RANBP2: variants seen among roughly 807,000 people sequenced by gnomAD.
RANBP2 encodes RAN binding protein 2.
Under a neutral mutation model 303.6 loss-of-function variants are expected in RANBP2, and 57 were observed. The ratio of observed to expected loss-of-function variants is 0.19; its 90% CI spans 0.15 to 0.23. The LOEUF (loss-of-function observed/expected upper bound fraction) is 0.23. Among genes scored for constraint, RANBP2 ranks in the 10% least tolerant of loss-of-function variants. The pLI is 1.00. For missense variants in RANBP2, 3,138 were observed against 3,780.8 expected (o/e 0.83, Z 4.46); for synonymous variants, 1,167 against 1,301.5 (o/e 0.90, Z 2.23).
chr2:109,681,959 G>A, the RANBP2 span, among the ~76,000 whole-genome samples: 2 of 152,240 alleles, frequency 1.3e-5, no homozygotes, highest in African/African-American at 4.8e-5. Context: ...CATCACTGAG[G>A]CACTTGCTGT....
chr2:109,533,691 A>G, the RANBP2 span, among the ~76,000 whole-genome samples: 24,078 of 152,216 alleles, frequency 0.16, 2,839 homozygotes, highest in African/African-American at 0.34. Context: ...GAGTGACAGC[A>G]CTGTGAACCC....
the RANBP2 span, among the ~76,000 whole-genome samples, chr2:108,847,466 T>C: frequency 6.6e-6 from 1 of 152,322 alleles, no homozygotes; most frequent in Admixed American, 6.5e-5. Flanking sequence ...TGCACTAGCT[T>C]GTAAGTTTCC....
chr2:109,173,688 C>G, the RANBP2 span, among the ~76,000 whole-genome samples: 1 of 152,256 alleles, frequency 6.6e-6, no homozygotes, highest in East Asian at 1.9e-4. Context: ...ACGGCAAAGA[C>G]AGTGAATGTA....
chr2:108,721,099 A>G (rs965265554), intron 1 of RANBP2, among the ~76,000 whole-genome samples: 1 of 152,200 alleles, frequency 6.6e-6, no homozygotes, highest in Admixed American at 6.5e-5. Context: ...GACCATGATT[A>G]TAATAGTAGC....
At chr2:109,380,198 C>T in the RANBP2 span, among the ~76,000 whole-genome samples, 1 of 152,126 alleles carries the variant, frequency 6.6e-6, no homozygotes, top group African/African-American at 2.4e-5. Flanking sequence ...TGCCTAGGTA[C>T]CGGCTCGCCC....
the RANBP2 span, among the ~76,000 whole-genome samples, chr2:109,464,708 G>T: frequency 9.0e-4 from 137 of 152,246 alleles, no homozygotes; most frequent in Non-Finnish European, 1.3e-3. Flanking sequence ...AGAAAATGCA[G>T]AAAGTCCTCA....
At chr2:109,199,032 G>A in the RANBP2 span, among the ~76,000 whole-genome samples, 3 of 152,208 alleles carry the variant, frequency 2.0e-5, no homozygotes, top group Middle Eastern at 3.4e-3. Flanking sequence ...CTTAAGCACC[G>A]TCTTGAGTTT....
At chr2:109,259,228 A>G in the RANBP2 span, among the ~76,000 whole-genome samples, 1 of 152,216 alleles carries the variant, frequency 6.6e-6, no homozygotes, top group Non-Finnish European at 1.5e-5. Context: ...GTCGGATTAA[A>G]GGGTGTCCTG....
rs779208982 is a variant in RANBP2, at chr2:108,729,136, C to T, written c.77C>T (p.Ser26Leu). The change falls in exon 2 of 29, where the codon TCA becomes TTA. Residue 26 changes from serine to leucine, a missense_variant. By Grantham distance (145) the Ser-to-Leu change is moderately radical. This residue lies in a region of RANBP2 where 306 missense variants were observed against 381.9 expected (regional missense o/e 0.80). Transcript: ENST00000283195. Reference sequence around the variant, plus strand: ...ACAACTTTTAATTTTTTTTAGAAGTCAATGAAAGGATTCTATTTTGCAAAG... The same window carrying T: ...ACAACTTTTAATTTTTTTTAGAAGTTAATGAAAGGATTCTATTTTGCAAAG... ...QGSTPSPRQK[S>L]MKGFYFAKLY... The T allele has an allele frequency of 6.4e-7, 1 of 1,570,238 alleles. No individual in the cohort carries two copies. The highest frequency in any genetic ancestry group is 2.3e-5 in the East Asian group (1 of 44,316).
Position 108,754,954 on chromosome 2 carries a change from A to G in RANBP2, c.2252A>G (p.Gln751Arg), listed in dbSNP as rs751037514. Reference protein sequence around the residue: ...SVKEMLNSVMQELEDYSEGGP... With the variant: ...SVKEMLNSVMRELEDYSEGGP... ...AAAGAGATGCTTAATTCAGTCATGC[A>G]GGAACTCGAAGACTATAGTGAAGGA... Residue 751 changes from glutamine (Q) to arginine (R), a missense_variant, in exon 16 of 29, where the codon CAG (glutamine) becomes CGG (arginine). Gln to Arg is a conservative substitution (Grantham distance 43). Transcript: ENST00000283195. 5.6e-6 allele frequency: 9 copies of G among 1,611,778 alleles called. No homozygotes were observed. In the African/African-American group the frequency reaches 8.0e-5, roughly 14 times the overall value.
At chr2:109,598,052 T>G in the RANBP2 span, among the ~76,000 whole-genome samples, 1 of 152,242 alleles carries the variant, frequency 6.6e-6, no homozygotes, top group South Asian at 2.1e-4. Flanking sequence ...CTTAGCTTTA[T>G]GTTTTTTTGT....
chr2:109,653,138 T>C, the RANBP2 span, among the ~76,000 whole-genome samples: 3 of 152,114 alleles, frequency 2.0e-5, no homozygotes, highest in Admixed American at 1.3e-4. Context: ...GGCTCATGCT[T>C]GTAATCCGAG....
chr2:109,078,954 G>A, the RANBP2 span, among the ~76,000 whole-genome samples: 34,051 of 151,898 alleles, frequency 0.22, 4,076 homozygotes, highest in Middle Eastern at 0.3. Context: ...TCGCACAATT[G>A]CTTTCCAGCC....
At chr2:108,736,999 CTCCT>C (rs1695639782) in intron 6 of RANBP2, among the ~76,000 whole-genome samples, 1 of 139,438 alleles carries the variant, frequency 7.2e-6, no homozygotes, top group Non-Finnish European at 1.6e-5. Context: ...TAGTATTCTC[CTCCT>C]TTTTGTAGAA....
chr2:109,383,582 C>T, the RANBP2 span, among the ~76,000 whole-genome samples: 9,506 of 152,142 alleles, frequency 0.062, 717 homozygotes, highest in African/African-American at 0.18. Context: ...GATTCGGGTC[C>T]GGGAAATGCC....
the RANBP2 span, among the ~76,000 whole-genome samples, chr2:109,132,422 A>T: frequency 6.6e-6 from 1 of 152,110 alleles, no homozygotes; most frequent in Non-Finnish European, 1.5e-5. Flanking sequence ...GTTGTTTTTC[A>T]TCGGTTTTGG....
chr2:108,846,801 A>T, the RANBP2 span: 1 of 1,612,530 alleles, frequency 6.2e-7, no homozygotes. Context: ...AGTGGTAACT[A>T]AAGGAATTCA....
the RANBP2 span, among the ~76,000 whole-genome samples, chr2:109,692,845 T>G: frequency 6.7e-6 from 1 of 148,698 alleles, no homozygotes; most frequent in Non-Finnish European, 1.5e-5. Flanking sequence ...TGAGATGAAG[T>G]CTTGCTCTTG....
chr2:109,702,660 T>C, the RANBP2 span, among the ~76,000 whole-genome samples: 2 of 152,228 alleles, frequency 1.3e-5, no homozygotes, highest in African/African-American at 2.4e-5. Flanking sequence ...ATTCTGACCT[T>C]AGCTTTCTGT....
Sources: allele counts gnomAD v4.1 joint callset (sites outside exome capture counted in the v4.1 genomes callset), GRCh38; gene constraint gnomAD v4.1.1; regional missense constraint gnomAD v4.1.1; transcripts MANE v1.5; gene names NCBI Gene and HGNC (gene_info 2026-07-23, HGNC 2026-07-21).